Variants in TMEM132E observed in about 807,000 individuals in gnomAD.
The protein encoded by TMEM132E is transmembrane protein 132E.
A neutral mutation model predicts 78.5 loss-of-function variants in TMEM132E; 49 were observed. The ratio of observed to expected loss-of-function variants is 0.62; its 90% confidence interval spans 0.50 to 0.79. The LOEUF is 0.79. TMEM132E is among the 30% of genes least tolerant of loss of function. The pLI is 0.00. For missense variants in TMEM132E, 1,403 were observed against 1,470.9 expected (o/e 0.95, Z 0.75); for synonymous variants, 715 against 670.6 (o/e 1.07, Z -1.02).
chr17:34,615,494 C>A (rs1192074590), intron 1 of TMEM132E, among the ~76,000 whole-genome samples: 1 of 148,612 alleles, frequency 6.7e-6, no homozygotes, highest in Non-Finnish European at 1.5e-5. Flanking sequence ...GCAAGGGTGC[C>A]TGCAAGGGGA....
At position 34,626,626 on chromosome 17, in the gene TMEM132E, T is replaced by C. The variant is rs755147558; in HGVS notation, c.567T>C (p.Cys189=). ...GCCTCAGCGGGGGCCTGGCCACTTG[T>C]CTGGTGCGGGCAGAGCTGCCCCTGG... is the stretch of plus-strand genomic sequence containing the variant. ...SCRLSGGLAT[C]LVRAELPLAW... is the part of the protein sequence containing the mutation. The change falls in exon 2 of 9, where the codon TGT becomes TGC. Residue 189 remains cysteine (C), a synonymous_variant. Coordinates refer to ENST00000631683, the MANE Select transcript of TMEM132E (RefSeq NM_001304438.2). The C allele has an allele frequency of 2.5e-5, 37 of 1,481,526 alleles. No individual in the cohort carries two copies. In the South Asian group the frequency reaches 4.7e-4, roughly 19 times the overall value. The allele number at this position is 1,481,526 out of a possible 1,614,324, so 91.8% of individuals were successfully genotyped here.
intron 1 of TMEM132E, among the ~76,000 whole-genome samples, chr17:34,600,426 A>AGT (rs3220449): frequency 0.079 from 11,313 of 143,540 alleles, 541 homozygotes; most frequent in East Asian, 0.2. Flanking sequence ...AGCGTATATG[A>AGT]GTGTGTGTGT....
chr17:34,619,549 C>G (rs1173294295), intron 1 of TMEM132E, among the ~76,000 whole-genome samples: 1 of 151,988 alleles, frequency 6.6e-6, no homozygotes, highest in Admixed American at 6.6e-5. Flanking sequence ...ATGGGCCAGG[C>G]ACTGTTCTAG....
chr17:34,633,577 G>A (rs1392488243), intron 6 of TMEM132E, among the ~76,000 whole-genome samples: 1 of 152,254 alleles, frequency 6.6e-6, no homozygotes, highest in Non-Finnish European at 1.5e-5. Context: ...GCACAGCAGG[G>A]AAGAGAAGAG....
chr17:34,614,882 G>A (rs561640719), intron 1 of TMEM132E: 10 of 152,524 alleles, frequency 6.6e-5, no homozygotes, highest in African/African-American at 2.2e-4. Context: ...CTGTCCCTCA[G>A]TGCCATGTGC....
Position 34,637,432 on chromosome 17 carries a change from C to T in TMEM132E, c.2425C>T (p.Leu809=). Residue 809 remains leucine, a synonymous_variant, in exon 9 of 9, where the codon CTG becomes TTG. Transcript: ENST00000631683. ...KSVLATTPVG[L]RVHFGRDEED... ...TGTGCTCGCCACGACCCCTGTGGGC[C>T]TGCGGGTGCACTTTGGGAGGGACGA... is the stretch of plus-strand genomic sequence containing the variant. 6.2e-7 allele frequency: 1 copy of T among 1,613,748 alleles called. No individual in the cohort carries two copies. Among genetic ancestry groups the T allele is most frequent in the South Asian group, 1.1e-5 (1 of 91,088 alleles).
intron 7 of TMEM132E, among the ~76,000 whole-genome samples, chr17:34,635,338 G>A (rs960308087): frequency 1.3e-5 from 2 of 152,164 alleles, no homozygotes; most frequent in East Asian, 1.9e-4. Flanking sequence ...GAGCAGAGGG[G>A]GAGCAGGTGA....
rs753663381 is a variant in TMEM132E, at chr17:34,627,066, G to A, written c.998+9G>A. ...GAGCACTTCACACTCAGGTAGTAGG[G>A]AAGATGGGTGGGGATCTGGTTTCCC... On this transcript the variant is annotated intron_variant, in intron 2 of 8. Coordinates refer to ENST00000631683, the MANE Select transcript of TMEM132E (RefSeq NM_001304438.2). 6.9e-7 allele frequency: 1 copy of A among 1,457,422 alleles called. No individual in the cohort carries two copies. The highest frequency in any genetic ancestry group is 9.3e-7 in the Non-Finnish European group (1 of 1,079,442). The allele number at this position is 1,457,422 out of a possible 1,614,324, so 90.3% of individuals were successfully genotyped here. A position where few individuals can be genotyped will look rare whatever the true frequency, so the allele number is the denominator to read the frequency against.
intron 2 of TMEM132E, among the ~76,000 whole-genome samples, chr17:34,628,068 C>CA (rs1347355833): frequency 6.6e-6 from 1 of 152,058 alleles, no homozygotes; most frequent in African/African-American, 2.4e-5. Context: ...AGAACTATGG[C>CA]AAAAAACAAT....
rs538633642 is a variant in TMEM132E at position 34,615,909 on chromosome 17, A to G, written c.68-10218A>G. Among the ~76,000 whole-genome samples, 75 of 152,072 alleles carry G rather than the reference A, an allele frequency of 4.9e-4. 1 individual carries two copies. The highest frequency in any genetic ancestry group is 9.3e-4 in the Non-Finnish European group (63 of 68,018). On this transcript the variant is annotated intron_variant, in intron 1 of 8. Transcript: ENST00000631683. ...CCTGTGTGCCAGGCACCGCTGAAACATTTCACAGGTAATCTTATAACATAG... is the reference window on the plus strand; with the variant it reads ...CCTGTGTGCCAGGCACCGCTGAAACGTTTCACAGGTAATCTTATAACATAG...
intron 1 of TMEM132E, among the ~76,000 whole-genome samples, chr17:34,590,074 G>T (rs866895978): frequency 2.2e-4 from 33 of 152,330 alleles, no homozygotes; most frequent in Middle Eastern, 6.8e-3. Flanking sequence ...ATGGTGCAGA[G>T]GGCTGGGCTC....
chr17:34,585,053 C>T (rs1905619642), intron 1 of TMEM132E, among the ~76,000 whole-genome samples: 1 of 152,208 alleles, frequency 6.6e-6, no homozygotes, highest in African/African-American at 2.4e-5. Flanking sequence ...TGGGAGACCC[C>T]TTTATTGCCG....
At chr17:34,603,554 A>C (rs968688730) in intron 1 of TMEM132E, among the ~76,000 whole-genome samples, 8 of 152,184 alleles carry the variant, frequency 5.3e-5, no homozygotes, top group Non-Finnish European at 1.5e-5. Flanking sequence ...CTGCTCCTGC[A>C]CAGGGATCCA....
rs146893987 is a variant in TMEM132E, at chr17:34,635,051, G to A, written c.1941G>A (p.Thr647=). ...TGGCACACATGGTGGACAGCAGCAC[G>A]CTGGCAGGACTGGAGCCAGGCACCA... The part of the protein sequence containing the change: ...PRVAHMVDSS[T]LAGLEPGTTP... Residue 647 remains threonine, a synonymous_variant, in exon 7 of 9, where the codon ACG becomes ACA. Coordinates refer to ENST00000631683, the MANE Select transcript of TMEM132E (RefSeq NM_001304438.2). 2.3e-4 allele frequency: 364 copies of A among 1,613,960 alleles called. 3 individuals are homozygous for A. The South Asian group carries it at 2.5e-3, about 11-fold the overall frequency.
intron 1 of TMEM132E, among the ~76,000 whole-genome samples, chr17:34,622,814 T>C (rs1487550196): frequency 6.6e-6 from 1 of 152,198 alleles, no homozygotes; most frequent in East Asian, 1.9e-4. Flanking sequence ...TGGAACTTAA[T>C]TTCTAGTTGG....
rs75389497 is a variant in TMEM132E, at chr17:34,634,620, A to T, written c.1689-179A>T. On this transcript the variant is annotated intron_variant, in intron 6 of 8. Transcript: ENST00000631683. ...TCAAGAATGTACTTTTCTAGGAGAGAAAAGGCTGGGACTCCTGGTTCCCAA... is the reference window on the plus strand; with the variant it reads ...TCAAGAATGTACTTTTCTAGGAGAGTAAAGGCTGGGACTCCTGGTTCCCAA... Among the ~76,000 whole-genome samples, 2,384 of 152,296 alleles carry T rather than the reference A, an allele frequency of 0.016. 64 individuals carry two copies. Among genetic ancestry groups the T allele is most frequent in the African/African-American group, 0.055 (2,267 of 41,550 alleles).
intron 1 of TMEM132E, among the ~76,000 whole-genome samples, chr17:34,601,240 T>C (rs1294310811): frequency 6.6e-6 from 1 of 152,200 alleles, no homozygotes; most frequent in Non-Finnish European, 1.5e-5. Flanking sequence ...GGGAAGAGCC[T>C]GCCCTTCTGT....
At chr17:34,629,885 C>T (rs1402873977) in intron 4 of TMEM132E, 123 bp from the exon 5 acceptor site, 2 of 1,143,502 alleles carry the variant, frequency 1.7e-6, no homozygotes, top group South Asian at 1.7e-5. Flanking sequence ...GTGCAAGTGT[C>T]CCCACTGGAA....
chr17:34,622,792 T>C (rs1324057484), intron 1 of TMEM132E, among the ~76,000 whole-genome samples: 1 of 152,238 alleles, frequency 6.6e-6, no homozygotes, highest in East Asian at 1.9e-4. Flanking sequence ...TAAAGCCATG[T>C]CTGTGCCCCT....
Sources: allele counts gnomAD v4.1 joint callset (sites outside exome capture counted in the v4.1 genomes callset), GRCh38; gene constraint gnomAD v4.1.1; transcripts MANE v1.5; gene names NCBI Gene and HGNC (gene_info 2026-07-23, HGNC 2026-07-21).